LIM2: variants seen among roughly 807,000 people sequenced by gnomAD.
LIM2 encodes lens intrinsic membrane protein 2, also known as lens fiber membrane intrinsic protein.
In LIM2, 14 loss-of-function variants were observed where a neutral mutation model predicts 19.0. The observed-to-expected ratio is 0.74, with a 90% CI of 0.49 to 1.15. The LOEUF is 1.15. LIM2 is among the 50% of genes most tolerant of loss of function. The pLI is 0.00. For synonymous variants in LIM2, 78 were observed against 89.6 expected (o/e 0.87, Z 0.73); for missense variants, 230 against 243.5 (o/e 0.94, Z 0.37).
In LIM2 at chr19:51,380,200, C is replaced by T; in HGVS notation, c.*1G>A. ...GATGAAGTTGGGGGACACATTTGGGCTCAGCGGGGTGTAGACAGGCGCCGG... is the reference window on the plus strand; with the variant it reads ...GATGAAGTTGGGGGACACATTTGGGTTCAGCGGGGTGTAGACAGGCGCCGG... On this transcript the variant is annotated 3_prime_UTR_variant, in exon 5 of 5. Transcript: ENST00000596399. The T allele has an allele frequency of 1.2e-6, 2 of 1,613,710 alleles. No individual in the cohort carries two copies. The highest frequency in any genetic ancestry group is 1.7e-6 in the Non-Finnish European group (2 of 1,179,840).
At chr19:51,384,241 G>C (rs1416660877) in intron 2 of LIM2, among the ~76,000 whole-genome samples, 5 of 152,078 alleles carry the variant, frequency 3.3e-5, no homozygotes, top group Non-Finnish European at 7.4e-5. Context: ...GACCAGCCTA[G>C]CCAAAATGGA....
chr19:51,384,830 G>A (rs900611813), intron 2 of LIM2, among the ~76,000 whole-genome samples: 4 of 152,044 alleles, frequency 2.6e-5, no homozygotes, highest in African/African-American at 9.7e-5. Context: ...GATTGCTTGA[G>A]GCCAGGAGGG....
In LIM2 at chr19:51,380,068, C is replaced by T. The variant is rs1469876890; in HGVS notation, c.*133G>A. 8.4e-6 allele frequency: 7 copies of T among 836,172 alleles called. No homozygotes were observed. In the South Asian group the frequency reaches 1.0e-4, roughly 12 times the overall value. 51.8% of individuals were successfully genotyped at this position (836,172 alleles called of 1,614,324 possible). A position where few individuals can be genotyped will look rare whatever the true frequency, so the allele number is the denominator to read the frequency against. ...GCCTAGGACCAGGAGTCAGCCTCCC[C>T]CCACAAACCCACAGTCCAGAACTGA... On this transcript the variant is annotated 3_prime_UTR_variant, in exon 5 of 5. Coordinates refer to ENST00000596399, the MANE Select transcript of LIM2 (RefSeq NM_001161748.2).
Position 51,380,278 on chromosome 19 carries a change from T to C in LIM2, c.461-16A>G. The C allele has an allele frequency of 6.2e-7, 1 of 1,612,290 alleles. No individual in the cohort carries two copies. The highest frequency in any genetic ancestry group is 1.3e-5 in the African/African-American group (1 of 74,806). On this transcript the variant is annotated splice_polypyrimidine_tract_variant and intron_variant, in intron 4 of 4. Transcript: ENST00000596399. Reference sequence around the variant, plus strand: ...TAGAAAATCCCTGCATGAGAAGAAGTTCAAATTCACCCCCTCAAACCTCCC... The same window carrying C: ...TAGAAAATCCCTGCATGAGAAGAAGCTCAAATTCACCCCCTCAAACCTCCC...
intron 2 of LIM2, chr19:51,387,019 T>A: frequency 1.4e-6 from 1 of 729,594 alleles, no homozygotes; most frequent in Non-Finnish European, 2.5e-6. Context: ...TTGCTGTGCA[T>A]GACACCTCTG....
intron 3 of LIM2, among the ~76,000 whole-genome samples, chr19:51,380,931 G>T (rs965121441): frequency 6.6e-6 from 1 of 152,044 alleles, no homozygotes; most frequent in Admixed American, 6.6e-5. Flanking sequence ...GTAATAGGAG[G>T]GTCTTTGTTA....
intron 3 of LIM2, among the ~76,000 whole-genome samples, 187 bp from the exon 4 acceptor site, chr19:51,380,826 G>T (rs1986877503): frequency 6.6e-6 from 1 of 151,780 alleles, no homozygotes; most frequent in South Asian, 2.1e-4. Flanking sequence ...TGGGGGATAG[G>T]TTTGGGATGG....
In LIM2 at chr19:51,380,544, T is replaced by G; in HGVS notation, c.421A>C (p.Ile141Leu). 2.5e-6 allele frequency: 4 copies of G among 1,614,096 alleles called. No individual in the cohort carries two copies. The highest frequency in any genetic ancestry group is 3.4e-6 in the Non-Finnish European group (4 of 1,180,020). ...ATGAGCACTGCCACCCAGCCCAGGA[T>G]GTAGGACCAGGAAAAGCGCCAGTCC... is the stretch of plus-strand genomic sequence containing the variant. ...FGDWRFSWSY[I>L]LGWVAVLMTF... The change falls in exon 4 of 5, where the codon ATC (isoleucine) becomes CTC (leucine). Residue 141 changes from isoleucine to leucine, a missense_variant. By Grantham distance (5) the Ile-to-Leu change is conservative (BLOSUM62 2). Coordinates refer to ENST00000596399, the MANE Select transcript of LIM2 (RefSeq NM_001161748.2).
chr19:51,385,003 C>A (rs1882055659), intron 2 of LIM2, among the ~76,000 whole-genome samples: 1 of 152,064 alleles, frequency 6.6e-6, no homozygotes, highest in Admixed American at 6.6e-5. Flanking sequence ...GCTGGGGCCA[C>A]GGGAGCACAC....
intron 2 of LIM2, among the ~76,000 whole-genome samples, chr19:51,385,214 A>C (rs1244769600): frequency 6.6e-6 from 1 of 151,984 alleles, no homozygotes; most frequent in Non-Finnish European, 1.5e-5. Context: ...CTGTCTCTAC[A>C]AAAATCAAAT....
chr19:51,383,314 T>G (rs551126841), intron 2 of LIM2, among the ~76,000 whole-genome samples: 4 of 152,254 alleles, frequency 2.6e-5, no homozygotes, highest in Non-Finnish European at 5.9e-5. Context: ...AGATTACAGG[T>G]GTGAGCCACT....
At chr19:51,385,854 C>T (rs1165621992) in intron 2 of LIM2, among the ~76,000 whole-genome samples, 3 of 152,172 alleles carry the variant, frequency 2.0e-5, no homozygotes, top group Admixed American at 6.6e-5. Context: ...GATGAGTGGG[C>T]GAAGTCTCCC....
At chr19:51,383,884 T>C (rs912452689) in intron 2 of LIM2, among the ~76,000 whole-genome samples, 17 of 152,272 alleles carry the variant, frequency 1.1e-4, no homozygotes, top group African/African-American at 4.1e-4. Context: ...AAACCTTGCA[T>C]CTTGCCATTG....
chr19:51,387,670 G>C (rs1042190882), intron 1 of LIM2, among the ~76,000 whole-genome samples: 1 of 152,002 alleles, frequency 6.6e-6, no homozygotes, highest in African/African-American at 2.4e-5. Flanking sequence ...GGGAGAGCGG[G>C]GCTGGGTTCT....
chr19:51,381,958 G>C (rs1298941175), intron 3 of LIM2, among the ~76,000 whole-genome samples: 3 of 152,182 alleles, frequency 2.0e-5, no homozygotes, highest in Non-Finnish European at 4.4e-5. Context: ...TCAAACTCCT[G>C]ACCTAGTGAT....
chr19:51,384,560 AG>A (rs1159802285), intron 2 of LIM2, among the ~76,000 whole-genome samples: 1 of 152,242 alleles, frequency 6.6e-6, no homozygotes, highest in East Asian at 1.9e-4. Context: ...CTCCAAACCA[AG>A]AAACACCAAA....
At chr19:51,386,535 C>T (rs1392570456) in intron 2 of LIM2, among the ~76,000 whole-genome samples, 1 of 147,778 alleles carries the variant, frequency 6.8e-6, no homozygotes, top group African/African-American at 2.5e-5. Flanking sequence ...TATATAATGT[C>T]ATGACATATA....
chr19:51,381,139 C>T (rs971889462), intron 3 of LIM2, among the ~76,000 whole-genome samples: 25 of 151,840 alleles, frequency 1.6e-4, no homozygotes, highest in Admixed American at 1.3e-3. Context: ...GGTGAAACCC[C>T]GTCTCTACTA....
chr19:51,380,727 AC>A, intron 3 of LIM2, 88 bp from the exon 4 acceptor site: 1 of 1,508,240 alleles, frequency 6.6e-7, no homozygotes, highest in Admixed American at 1.9e-5. Flanking sequence ...GGGGGTGGGA[AC>A]TAAGATTGGG....
Sources: allele counts gnomAD v4.1 joint callset (sites outside exome capture counted in the v4.1 genomes callset), GRCh38; gene constraint gnomAD v4.1.1; transcripts MANE v1.5; gene names NCBI Gene and HGNC (gene_info 2026-07-23, HGNC 2026-07-21).